The following PIP4K2A variants were observed in gnomAD, a reference collection of about 807,000 sequenced individuals.
PIP4K2A encodes the protein phosphatidylinositol-5-phosphate 4-kinase type 2 alpha.
Under a neutral mutation model 42.9 loss-of-function variants are expected in PIP4K2A, and 14 were observed. That is an observed-to-expected ratio of 0.33 (90% CI 0.22 to 0.51). The LOEUF is 0.51. PIP4K2A is among the 20% of genes least tolerant of loss of function. The pLI is 0.97. For missense variants in PIP4K2A, 434 were observed against 519.8 expected (o/e 0.83, Z 1.61); for synonymous variants, 192 against 192.2 (o/e 1.00, Z 0.01).
intron 5 of PIP4K2A, chr10:22,569,175 G>T: frequency 1.4e-6 from 1 of 738,760 alleles, no homozygotes; most frequent in Non-Finnish European, 2.3e-6. Flanking sequence ...TCCTCACATT[G>T]GGGAAGGGAG....
rs370190132 is a variant in PIP4K2A at position 22,609,720 on chromosome 10, G to A, written c.145-3C>T. On this transcript the variant is annotated splice_region_variant and splice_polypyrimidine_tract_variant and intron_variant, in intron 1 of 9. Coordinates refer to ENST00000376573, the MANE Select transcript of PIP4K2A (RefSeq NM_005028.5). The stretch of plus-strand genomic sequence containing the variant: ...TGAACATGGCTCAGTTCATTGATCT[G>A]GAAAAATATAAAATAAATAGCATGG... 1,083 of 1,564,258 alleles carry A rather than the reference G, an allele frequency of 6.9e-4. 1 individual carries two copies. The highest frequency in any genetic ancestry group is 8.2e-4 in the Non-Finnish European group (930 of 1,138,520).
chr10:22,594,400 T>A (rs1160592910), intron 3 of PIP4K2A, among the ~76,000 whole-genome samples: 1 of 152,210 alleles, frequency 6.6e-6, no homozygotes, highest in East Asian at 1.9e-4. Context: ...CAGGGTTTTT[T>A]ATTTTTATTT....
Position 22,629,467 on chromosome 10 carries a change from T to G in PIP4K2A, c.145-19750A>C, listed in dbSNP as rs190742244. On this transcript the variant is annotated intron_variant, in intron 1 of 9. Coordinates refer to ENST00000376573, the MANE Select transcript of PIP4K2A (RefSeq NM_005028.5). ...AAAGCAATCTATGCTAACTATAAAATAAGTTGTCCTTTTAAAAGAAAACAA... is the reference window on the plus strand; with the variant it reads ...AAAGCAATCTATGCTAACTATAAAAGAAGTTGTCCTTTTAAAAGAAAACAA... 4.8e-3 allele frequency among the ~76,000 whole-genome samples: 735 copies of G among 152,290 alleles called. 3 individuals carry two copies. The highest frequency in any genetic ancestry group is 6.8e-3 in the Non-Finnish European group (461 of 68,006).
intron 1 of PIP4K2A, among the ~76,000 whole-genome samples, chr10:22,704,913 AATT>A (rs1436118063): frequency 3.3e-5 from 5 of 152,102 alleles, no homozygotes; most frequent in African/African-American, 7.2e-5. Context: ...TATTAGCTGA[AATT>A]TAAATTGCCA....
intron 4 of PIP4K2A, among the ~76,000 whole-genome samples, chr10:22,579,831 C>T (rs147359639): frequency 6.7e-6 from 1 of 149,308 alleles, no homozygotes; most frequent in South Asian, 2.1e-4. Flanking sequence ...ATCGCCTGAA[C>T]CCAGGAGGTA....
At position 22,545,507 on chromosome 10, in the gene PIP4K2A, A is replaced by G. The variant is rs541878365; in HGVS notation, c.793-3460T>C. Among the ~76,000 whole-genome samples the G allele has an allele frequency of 9.8e-5, 15 of 152,358 alleles. No individual in the cohort carries two copies. In the East Asian group the frequency reaches 2.9e-3, roughly 29 times the overall value. On this transcript the variant is annotated intron_variant, in intron 7 of 9. Coordinates refer to ENST00000376573, the MANE Select transcript of PIP4K2A (RefSeq NM_005028.5). Reference sequence around the variant, plus strand: ...GGTTCCTCGCCACACCGGGCAGCCCAGAGTAATTTTCCTGGGCCTCAGGCC... The same window carrying G: ...GGTTCCTCGCCACACCGGGCAGCCCGGAGTAATTTTCCTGGGCCTCAGGCC...
chr10:22,590,183 C>T (rs1399114707), intron 4 of PIP4K2A, among the ~76,000 whole-genome samples: 2 of 152,208 alleles, frequency 1.3e-5, no homozygotes, highest in Non-Finnish European at 1.5e-5. Flanking sequence ...AGACTTCAAC[C>T]TCTAGAACTG....
intron 1 of PIP4K2A, 22 bp downstream of exon 1, chr10:22,714,161 C>T: frequency 6.3e-7 from 1 of 1,593,700 alleles, no homozygotes; most frequent in Non-Finnish European, 8.6e-7. Context: ...AAGGGGACCG[C>T]GCGCCGCAGC....
chr10:22,640,046 G>GAAAAAAAAAAAAAAAA, intron 1 of PIP4K2A, among the ~76,000 whole-genome samples: 14 of 111,946 alleles, frequency 1.3e-4, no homozygotes, highest in Non-Finnish European at 3.6e-5. Context: ...TTTTTTTAAG[G>GAAAAAAAAAAAAAAAA]AAAAAGAAAA....
chr10:22,696,627 A>T (rs911072099), intron 1 of PIP4K2A, among the ~76,000 whole-genome samples: 2 of 152,178 alleles, frequency 1.3e-5, no homozygotes, highest in African/African-American at 2.4e-5. Flanking sequence ...TTATATCCAT[A>T]ATTTTTAAAG....
intron 7 of PIP4K2A, 22 bp downstream of exon 7, chr10:22,550,637 C>T (rs376344827): frequency 7.6e-6 from 9 of 1,182,786 alleles, no homozygotes; most frequent in Non-Finnish European, 1.0e-5. Flanking sequence ...ATGAGTCTGG[C>T]CTCTCCACTG....
intron 1 of PIP4K2A, among the ~76,000 whole-genome samples, chr10:22,618,479 C>A (rs1049610922): frequency 4.6e-5 from 7 of 152,068 alleles, no homozygotes; most frequent in Non-Finnish European, 8.8e-5. Context: ...TTGTTTTGTC[C>A]CTGTCCCGCA....
chr10:22,699,064 A>G (rs1026138407), intron 1 of PIP4K2A, among the ~76,000 whole-genome samples: 1 of 152,226 alleles, frequency 6.6e-6, no homozygotes, highest in African/African-American at 2.4e-5. Context: ...AATTAGACAA[A>G]AAGATTAGCT....
rs374926258 is a variant in PIP4K2A at position 22,635,695 on chromosome 10, T to C, written c.145-25978A>G. The stretch of plus-strand genomic sequence containing the variant: ...GGCAGCGAGGAAGCATGGAAAGTTA[T>C]GAGCCGGGGGGTTCTATGACGAGGA... On this transcript the variant is annotated intron_variant, in intron 1 of 9. Coordinates refer to ENST00000376573, the MANE Select transcript of PIP4K2A (RefSeq NM_005028.5). Among the ~76,000 whole-genome samples the C allele has an allele frequency of 5.9e-5, 9 of 152,298 alleles. No individual in the cohort carries two copies. The East Asian group carries it at 1.5e-3, about 26-fold the overall frequency.
At chr10:22,576,111 G>A (rs567900860) in intron 4 of PIP4K2A, among the ~76,000 whole-genome samples, 19 of 152,038 alleles carry the variant, frequency 1.2e-4, no homozygotes, top group African/African-American at 3.1e-4. Context: ...TATTAGATTC[G>A]AGTACTGCCA....
intron 1 of PIP4K2A, among the ~76,000 whole-genome samples, chr10:22,684,954 AG>A (rs1839730952): frequency 6.6e-6 from 1 of 152,178 alleles, no homozygotes; most frequent in African/African-American, 2.4e-5. Flanking sequence ...CTAGTAAAAC[AG>A]GGTGCTAGTA....
intron 1 of PIP4K2A, among the ~76,000 whole-genome samples, chr10:22,697,538 G>T (rs1839995725): frequency 6.6e-6 from 1 of 152,094 alleles, no homozygotes; most frequent in South Asian, 2.1e-4. Context: ...AGGCAACACA[G>T]CAAGACCCCC....
chr10:22,584,121 C>A (rs914207547), intron 4 of PIP4K2A, among the ~76,000 whole-genome samples: 1 of 152,142 alleles, frequency 6.6e-6, no homozygotes, highest in Admixed American at 6.5e-5. Context: ...CAGACCATGA[C>A]AACAAATTCA....
intron 1 of PIP4K2A, among the ~76,000 whole-genome samples, chr10:22,676,229 T>A (rs1301867679): frequency 6.6e-6 from 1 of 152,130 alleles, no homozygotes; most frequent in Non-Finnish European, 1.5e-5. Flanking sequence ...ATAAGACCCT[T>A]GACCAACTTA....
Sources: gnomAD v4.1 joint callset for allele counts (sites outside exome capture counted in the v4.1 genomes callset) on GRCh38, gnomAD v4.1.1 for gene constraint, MANE v1.5 for transcripts, NCBI Gene and HGNC (gene_info 2026-07-23, HGNC 2026-07-21) for gene names.